The following HDAC7 variants were observed in gnomAD, a reference collection of about 807,000 sequenced individuals.
The protein encoded by HDAC7 is histone deacetylase 7A.
HDAC7 carries 26 observed loss-of-function variants against 115.5 expected under a neutral mutation model. The observed-to-expected ratio is 0.23, with a 90% CI of 0.16 to 0.31. The LOEUF (loss-of-function observed/expected upper bound fraction) is 0.31, where lower values mean the gene tolerates loss of function less well. HDAC7 is among the 10% of genes least tolerant of loss of function. The pLI, the probability that HDAC7 is intolerant of heterozygous loss-of-function variation, is 1.00. For synonymous variants in HDAC7, 564 were observed against 550.9 expected (o/e 1.02, Z -0.33); for missense variants, 1,068 against 1,329.0 (o/e 0.80, Z 3.05).
At position 47,794,844 on chromosome 12, in the gene HDAC7, C is replaced by A; in HGVS notation, c.1374G>T (p.Val458=). The A allele has an allele frequency of 6.2e-7, 1 of 1,613,318 alleles. No homozygotes were observed. The highest frequency in any genetic ancestry group is 8.5e-7 in the Non-Finnish European group (1 of 1,179,974). The stretch of plus-strand genomic sequence containing the variant: ...CCCTGTGCTCCAGGCCATCGTCCAC[C>A]ACCTGGCCCGGTCCCCCGCCATCTG... The part of the protein sequence containing the change: ...LETDGGGPGQ[V]VDDGLEHREL... Residue 458 remains valine (V), a synonymous_variant, in exon 12 of 26, where the codon GTG becomes GTT. Coordinates refer to ENST00000080059, the MANE Select transcript of HDAC7 (RefSeq NM_015401.5).
chr12:47,807,723 C>T (rs1184029166), intron 1 of HDAC7, among the ~76,000 whole-genome samples: 1 of 152,106 alleles, frequency 6.6e-6, no homozygotes, highest in Non-Finnish European at 1.5e-5. Context: ...GAAGCTATGT[C>T]ATCTTTGGGT....
chr12:47,787,997 A>G, intron 20 of HDAC7, 48 bp downstream of exon 20: 1 of 1,594,784 alleles, frequency 6.3e-7, no homozygotes, highest in Non-Finnish European at 8.6e-7. Flanking sequence ...AGTAAGTGTC[A>G]GGAGGAGGTC....
chr12:47,786,523 C>T, intron 22 of HDAC7, 62 bp downstream of exon 22: 3 of 1,249,994 alleles, frequency 2.4e-6, no homozygotes, highest in South Asian at 2.5e-5. Context: ...GGAGTGCCTC[C>T]CAACTCCCCG....
At chr12:47,789,194 TAA>T in intron 19 of HDAC7, 65 bp downstream of exon 19, 1 of 1,219,544 alleles carries the variant, frequency 8.2e-7, no homozygotes, top group East Asian at 2.3e-5. Flanking sequence ...GCCGCATCTC[TAA>T]CATCAGGCTC....
intron 1 of HDAC7, among the ~76,000 whole-genome samples, chr12:47,812,707 A>G (rs1944718062): frequency 6.6e-6 from 1 of 152,212 alleles, no homozygotes; most frequent in Non-Finnish European, 1.5e-5. Context: ...TAACATCTGT[A>G]GAGTGCTTTA....
chr12:47,802,435 C>A (rs1192328910), intron 1 of HDAC7, 161 bp from the exon 2 acceptor site: 2 of 1,548,760 alleles, frequency 1.3e-6, no homozygotes, highest in Non-Finnish European at 1.7e-6. Context: ...GAAGACCCCA[C>A]CCCATTCGAC....
upstream of HDAC7, among the ~76,000 whole-genome samples, chr12:47,821,325 G>A (rs1945018668): frequency 6.6e-6 from 1 of 152,132 alleles, no homozygotes; most frequent in Admixed American, 6.5e-5. Flanking sequence ...TGTTGCTACC[G>A]GCATATTCAG....
intron 1 of HDAC7, chr12:47,817,486 C>T (rs1944881984): frequency 6.6e-6 from 1 of 152,330 alleles, no homozygotes; most frequent in Non-Finnish European, 1.5e-5. Context: ...CAGATGCCCT[C>T]CCGCTAGCCC....
intron 2 of HDAC7, among the ~76,000 whole-genome samples, chr12:47,799,606 T>C (rs1944064713): frequency 1.3e-5 from 2 of 152,176 alleles, no homozygotes; most frequent in East Asian, 1.9e-4. Context: ...CCTCAGCTCA[T>C]AGGGCCCATG....
At chr12:47,786,126 A>G (rs1943161964) in intron 22 of HDAC7, 1 of 507,554 alleles carries the variant, frequency 2.0e-6, no homozygotes, top group Non-Finnish European at 3.5e-6. Flanking sequence ...GCAGCAAGGT[A>G]GGACCTGAAC....
In HDAC7 at chr12:47,784,796, C is replaced by T. The variant is rs766136317; in HGVS notation, c.2792-579G>A. On this transcript the variant is annotated intron_variant, in intron 24 of 25. Transcript: ENST00000080059. ...CCTGGAATCTGGCTCAGTGTGAGGG[C>T]ACCCACCGTAAGAGGAATCAGCCAT... The T allele has an allele frequency of 5.2e-6, 8 of 1,535,086 alleles. No individual in the cohort carries two copies. The South Asian group carries it at 8.3e-5, about 16-fold the overall frequency.
At position 47,787,697 on chromosome 12, in the gene HDAC7, C is replaced by A. The variant is rs918570423; in HGVS notation, c.2453+15G>T. ...AGAGGGTGGACTTGCCCCTCTGGGC[C>A]CCCAGAGCACGTACCTGAAAGCAGC... On this transcript the variant is annotated intron_variant, in intron 21 of 25. Coordinates refer to ENST00000080059, the MANE Select transcript of HDAC7 (RefSeq NM_015401.5). The A allele has an allele frequency of 6.3e-7, 1 of 1,582,380 alleles. No individual in the cohort carries two copies. The highest frequency in any genetic ancestry group is 1.1e-5 in the South Asian group (1 of 87,928).
At position 47,783,587 on chromosome 12, in the gene HDAC7, G is replaced by A; in HGVS notation, c.*254C>T. 2 of 536,002 alleles carry A rather than the reference G, an allele frequency of 3.7e-6. No individual in the cohort carries two copies. The highest frequency in any genetic ancestry group is 6.7e-6 in the Non-Finnish European group (2 of 296,746). The allele number at this position is 536,002 out of a possible 1,614,324, so 33.2% of individuals were successfully genotyped here. ...CACAGCCAGGGCCCATACTGGAGGG[G>A]AGAATCTGTTCTCGAGAGCCCTGTG... On this transcript the variant is annotated 3_prime_UTR_variant, in exon 26 of 26. Transcript: ENST00000080059.
Position 47,803,496 on chromosome 12 carries a change from C to T in HDAC7, c.20-1222G>A, listed in dbSNP as rs949005162. ...AGCCCATGCTTTGGGTAACAAAGTT[C>T]GGTCCGAAAATGCTGCTCTACCTAT... On this transcript the variant is annotated intron_variant, in intron 1 of 25. Transcript: ENST00000080059. This position sits in a 1 kb window ranked among gnomAD's most constrained non-coding sequence, Gnocchi z 4.0. Among the ~76,000 whole-genome samples, 10 of 152,130 alleles carry T rather than the reference C, an allele frequency of 6.6e-5. No homozygotes were observed. Among genetic ancestry groups the T allele is most frequent in the South Asian group, 6.2e-4 (3 of 4,830 alleles).
intron 18 of HDAC7, 73 bp downstream of exon 18, chr12:47,789,450 A>G: frequency 6.3e-7 from 1 of 1,582,312 alleles, no homozygotes; most frequent in East Asian, 2.2e-5. Flanking sequence ...GGAAGAAGAG[A>G]GAATGTCCCT....
chr12:47,819,154 G>A (rs117473279), intron 1 of HDAC7: 1,640 of 152,490 alleles, frequency 0.011, 16 homozygotes, highest in Non-Finnish European at 0.017. Flanking sequence ...TGATGGGTGA[G>A]CAAGGATGGG....
chr12:47,784,683 G>A (rs1323422205), intron 24 of HDAC7: 16 of 1,527,182 alleles, frequency 1.0e-5, no homozygotes, highest in Non-Finnish European at 1.2e-5. Context: ...AACACAACAT[G>A]GGAGAACTGA....
intron 2 of HDAC7, 110 bp downstream of exon 2, chr12:47,802,114 A>G: frequency 8.3e-7 from 1 of 1,202,564 alleles, no homozygotes; most frequent in Non-Finnish European, 1.2e-6. Flanking sequence ...TCTCTGGCAG[A>G]TCAGCCAGCG....
Position 47,793,461 on chromosome 12 carries a change from G to A in HDAC7, c.1586C>T (p.Ala529Val), listed in dbSNP as rs1283253475. 13 of 1,555,112 alleles carry A rather than the reference G, an allele frequency of 8.4e-6. No individual in the cohort carries two copies. Among genetic ancestry groups the A allele is most frequent in the Non-Finnish European group, 1.1e-5 (13 of 1,149,558 alleles). ...PLSRAQSSPA[A>V]PASLSAPEPA... ...CTCTGGGGCTGACAGTGAGGCAGGT[G>A]CGGCTGGGGAAGACTGAGCCCGGGA... is the stretch of plus-strand genomic sequence containing the variant. Residue 529 changes from alanine (A) to valine (V), a missense_variant, in exon 13 of 26, where the codon GCA becomes GTA. Transcript: ENST00000080059. This position sits in a 1 kb window ranked among gnomAD's most constrained non-coding sequence, Gnocchi z 4.5.
Sources: gnomAD v4.1 joint callset for allele counts (sites outside exome capture counted in the v4.1 genomes callset) on GRCh38, gnomAD v4.1.1 for gene constraint, Gnocchi (gnomAD v3.1) non-coding constraint, MANE v1.5 for transcripts, NCBI Gene and HGNC (gene_info 2026-07-23, HGNC 2026-07-21) for gene names.